Variants in RIMS2 observed in about 807,000 individuals in gnomAD.
RIMS2 encodes the protein regulating synaptic membrane exocytosis 2, also known as regulating synaptic membrane exocytosis protein 2.
A neutral mutation model predicts 174.4 loss-of-function variants in RIMS2; 59 were observed. The observed-to-expected ratio is 0.34, with a 90% CI of 0.27 to 0.42. The LOEUF (loss-of-function observed/expected upper bound fraction) is 0.42, where lower values mean the gene tolerates loss of function less well. RIMS2 is among the 10% of genes least tolerant of loss of function. The pLI, the probability that RIMS2 is intolerant of heterozygous loss-of-function variation, is 1.00. For synonymous variants in RIMS2, 606 were observed against 572.5 expected (o/e 1.06, Z -0.84); for missense variants, 1,620 against 1,666.3 (o/e 0.97, Z 0.48).
chr8:104,115,046 G>A (rs774634120), intron 19 of RIMS2, among the ~76,000 whole-genome samples: 3 of 152,020 alleles, frequency 2.0e-5, no homozygotes, highest in African/African-American at 4.8e-5. Flanking sequence ...GTAACAAAAT[G>A]TAAGAGTACT....
At chr8:104,241,729 A>G (rs1048394071) in intron 19 of RIMS2, among the ~76,000 whole-genome samples, 1 of 151,924 alleles carries the variant, frequency 6.6e-6, no homozygotes, top group African/African-American at 2.4e-5. Context: ...ACAAAATTGT[A>G]TTACCTCTTG....
At chr8:104,137,784 C>G (rs962051107) in intron 19 of RIMS2, among the ~76,000 whole-genome samples, 3 of 152,158 alleles carry the variant, frequency 2.0e-5, no homozygotes, top group African/African-American at 7.2e-5. Flanking sequence ...CCATTTCTTA[C>G]AAACAATCCA....
chr8:103,799,931 T>C (rs1254192264), intron 3 of RIMS2, among the ~76,000 whole-genome samples: 1 of 152,184 alleles, frequency 6.6e-6, no homozygotes, highest in Admixed American at 6.5e-5. Flanking sequence ...TCCCTAGAAA[T>C]ACTCTTTTAC....
chr8:103,889,270 C>T (rs909693896), intron 4 of RIMS2, among the ~76,000 whole-genome samples: 8 of 151,024 alleles, frequency 5.3e-5, no homozygotes, highest in Non-Finnish European at 1.2e-4. Context: ...TATGGAGTGA[C>T]ATCATTCTGA....
chr8:103,655,149 A>G (rs1212090547), intron 1 of RIMS2, among the ~76,000 whole-genome samples: 2 of 151,914 alleles, frequency 1.3e-5, no homozygotes, highest in Non-Finnish European at 2.9e-5. Flanking sequence ...TTTTCCTGAG[A>G]TTTGAGGCAT....
At chr8:103,679,031 A>G (rs1430801793) in intron 1 of RIMS2, among the ~76,000 whole-genome samples, 1 of 152,082 alleles carries the variant, frequency 6.6e-6, no homozygotes, top group Non-Finnish European at 1.5e-5. Flanking sequence ...GATTTTCAAG[A>G]AAGTTGGATA....
intron 19 of RIMS2, among the ~76,000 whole-genome samples, chr8:104,236,503 A>G (rs928075273): frequency 6.6e-6 from 1 of 152,120 alleles, no homozygotes; most frequent in Non-Finnish European, 1.5e-5. Flanking sequence ...ATGCTTTTAC[A>G]TTATGTCATA....
intron 4 of RIMS2, among the ~76,000 whole-genome samples, chr8:103,901,218 T>C (rs2099326506): frequency 6.6e-6 from 1 of 152,136 alleles, no homozygotes; most frequent in South Asian, 2.1e-4. Context: ...GTATTCTCAA[T>C]GATGCTGGTG....
intron 19 of RIMS2, among the ~76,000 whole-genome samples, chr8:104,228,416 G>T (rs1161242469): frequency 6.6e-6 from 1 of 152,120 alleles, no homozygotes; most frequent in African/African-American, 2.4e-5. Flanking sequence ...AGTAAATAAT[G>T]TACTTAATTC....
chr8:104,084,566 T>C (rs537702393), intron 19 of RIMS2, among the ~76,000 whole-genome samples: 2 of 152,058 alleles, frequency 1.3e-5, no homozygotes, highest in African/African-American at 4.8e-5. Context: ...CAATGCCCTT[T>C]CGTTTTTTGT....
chr8:103,749,374 A>C (rs1010619012), intron 2 of RIMS2, among the ~76,000 whole-genome samples: 3 of 152,140 alleles, frequency 2.0e-5, no homozygotes, highest in African/African-American at 7.2e-5. Context: ...GGCCTCCCAA[A>C]GTGCTGGGAT....
intron 19 of RIMS2, among the ~76,000 whole-genome samples, chr8:104,077,325 G>C (rs1359834649): frequency 1.3e-5 from 2 of 152,002 alleles, no homozygotes; most frequent in Non-Finnish European, 2.9e-5. Context: ...CAAAGCCCTT[G>C]GGGGTTCCAG....
intron 1 of RIMS2, among the ~76,000 whole-genome samples, chr8:103,687,675 C>T (rs188122393): frequency 4.5e-4 from 69 of 152,212 alleles, no homozygotes; most frequent in African/African-American, 1.7e-3. Flanking sequence ...ACCTCCCATA[C>T]CCCAGTCTCT....
intron 2 of RIMS2, among the ~76,000 whole-genome samples, chr8:103,752,382 C>T (rs186895483): frequency 0.014 from 2,075 of 152,164 alleles, 45 homozygotes; most frequent in African/African-American, 0.044. Context: ...AGTCAGGTAG[C>T]GTGATGCCTC....
chr8:103,913,022 G>A (rs1239299368), intron 6 of RIMS2, among the ~76,000 whole-genome samples: 1 of 146,364 alleles, frequency 6.8e-6, no homozygotes, highest in East Asian at 2.0e-4. Flanking sequence ...TCCCAGGCTG[G>A]AGTGCAGTGG....
chr8:104,108,770 C>T (rs1271506194), intron 19 of RIMS2, among the ~76,000 whole-genome samples: 1 of 151,946 alleles, frequency 6.6e-6, no homozygotes, highest in African/African-American at 2.4e-5. Flanking sequence ...GTCTGAAGAC[C>T]ACTATGTATT....
At chr8:103,889,881 G>C (rs1181579743) in intron 4 of RIMS2, among the ~76,000 whole-genome samples, 3 of 151,856 alleles carry the variant, frequency 2.0e-5, no homozygotes, top group Non-Finnish European at 4.4e-5. Context: ...AAAACAGAGA[G>C]GTTTCATGGG....
chr8:103,872,989 C>T (rs2099119599), intron 3 of RIMS2, among the ~76,000 whole-genome samples: 1 of 152,156 alleles, frequency 6.6e-6, no homozygotes, highest in African/African-American at 2.4e-5. Flanking sequence ...TTAATTCTTA[C>T]TGCTATCTTG....
chr8:103,987,173 T>C (rs926870381), intron 16 of RIMS2, among the ~76,000 whole-genome samples: 1 of 152,104 alleles, frequency 6.6e-6, no homozygotes. Flanking sequence ...ATTTTTTTTT[T>C]CAAGGACAAA....
Sources: allele counts gnomAD v4.1 joint callset (sites outside exome capture counted in the v4.1 genomes callset), GRCh38; gene constraint gnomAD v4.1.1; transcripts MANE v1.5; gene names NCBI Gene and HGNC (gene_info 2026-07-23, HGNC 2026-07-21).